ALPK2: variants seen among roughly 807,000 people sequenced by gnomAD.
ALPK2 encodes the protein alpha-protein kinase 2.
Under a neutral mutation model 163.1 loss-of-function variants are expected in ALPK2, and 127 were observed. That is an observed-to-expected ratio of 0.78 (90% CI 0.67 to 0.90). ALPK2 has a LOEUF of 0.90. Ranked by LOEUF, ALPK2 falls within the 40% of genes least tolerant of loss-of-function variation. The pLI, the probability that ALPK2 is intolerant of heterozygous loss-of-function variation, is 0.00. For missense variants in ALPK2, 2,360 were observed against 2,589.6 expected (o/e 0.91, Z 1.92); for synonymous variants, 953 against 959.1 (o/e 0.99, Z 0.12).
chr18:58,594,705 A>G (rs537905533), intron 3 of ALPK2, among the ~76,000 whole-genome samples: 45 of 152,230 alleles, frequency 3.0e-4, no homozygotes, highest in South Asian at 2.3e-3. Context: ...CTGCAATTCC[A>G]TTCTACCAAT....
intron 4 of ALPK2, among the ~76,000 whole-genome samples, chr18:58,542,539 G>A (rs1296185874): frequency 6.6e-6 from 1 of 152,214 alleles, no homozygotes; most frequent in African/African-American, 2.4e-5. Context: ...GGTTATATAA[G>A]AGAAGTTCAA....
chr18:58,510,262 G>A (rs1379997698), intron 10 of ALPK2, among the ~76,000 whole-genome samples: 7 of 152,338 alleles, frequency 4.6e-5, no homozygotes, highest in Non-Finnish European at 8.8e-5. Context: ...TTTGGTACCA[G>A]TACCATGCTG....
At chr18:58,562,165 C>A (rs2051828674) in intron 4 of ALPK2, among the ~76,000 whole-genome samples, 5 of 152,188 alleles carry the variant, frequency 3.3e-5, no homozygotes, top group Admixed American at 3.3e-4. Context: ...AGTTTTGTTA[C>A]ATGGACTACC....
intron 10 of ALPK2, among the ~76,000 whole-genome samples, chr18:58,504,961 G>A (rs891904081): frequency 6.6e-6 from 1 of 152,142 alleles, no homozygotes; most frequent in Non-Finnish European, 1.5e-5. Context: ...GGAGTGCAGG[G>A]AGCCAGGGAG....
chr18:58,499,552 A>T lies in ALPK2; in HGVS notation c.6248-1455T>A, dbSNP rs145249445. ...CATGCCCTGACCACGCACCAATTCC[A>T]TTCCTGTCTCCTTAGGGTGAGGGTT... On this transcript the variant is annotated intron_variant, in intron 11 of 12. Coordinates refer to ENST00000361673, the MANE Select transcript of ALPK2 (RefSeq NM_052947.4). Among the ~76,000 whole-genome samples the T allele has an allele frequency of 6.6e-3, 1,009 of 152,238 alleles. 5 individuals are homozygous for T. Among genetic ancestry groups the T allele is most frequent in the South Asian group, 0.012 (56 of 4,812 alleles).
chr18:58,540,693 A>G (rs1421909012), intron 4 of ALPK2, among the ~76,000 whole-genome samples: 5 of 152,182 alleles, frequency 3.3e-5, no homozygotes, highest in African/African-American at 9.7e-5. Context: ...CGGCCTTTCT[A>G]TCCTGCCTGC....
chr18:58,593,433 A>G (rs1173163531), intron 3 of ALPK2, among the ~76,000 whole-genome samples: 1 of 150,984 alleles, frequency 6.6e-6, no homozygotes, highest in Admixed American at 6.6e-5. Context: ...GCGTTGTGGC[A>G]TGCGCCTGTA....
chr18:58,590,399 G>A (rs1370744200), intron 3 of ALPK2, among the ~76,000 whole-genome samples: 1 of 152,100 alleles, frequency 6.6e-6, no homozygotes, highest in African/African-American at 2.4e-5. Context: ...AATGCAGGGG[G>A]AGGGAGGCCT....
At chr18:58,490,823 G>T (rs898506611) in intron 12 of ALPK2, among the ~76,000 whole-genome samples, 1 of 152,154 alleles carries the variant, frequency 6.6e-6, no homozygotes, top group African/African-American at 2.4e-5. Flanking sequence ...TGAGACAGGA[G>T]TCCCGAAGAA....
chr18:58,485,845 C>T (rs2051336213), intron 12 of ALPK2, among the ~76,000 whole-genome samples: 2 of 152,166 alleles, frequency 1.3e-5, no homozygotes, highest in Non-Finnish European at 2.9e-5. Flanking sequence ...GGGAGTGTCA[C>T]GAGTGGGCAG....
Position 58,559,621 on chromosome 18 carries a change from T to C in ALPK2, c.1962+19193A>G, listed in dbSNP as rs867972562. 2.6e-5 allele frequency among the ~76,000 whole-genome samples: 4 copies of C among 152,318 alleles called. No individual in the cohort carries two copies. In the South Asian group the frequency reaches 8.3e-4, roughly 32 times the overall value. ...CGGGGATTCTATAGTTGATTGGCTATGGAGTCTCTGACTCAGGCCTGACCT... is the reference window on the plus strand; with the variant it reads ...CGGGGATTCTATAGTTGATTGGCTACGGAGTCTCTGACTCAGGCCTGACCT... On this transcript the variant is annotated intron_variant, in intron 4 of 12. Coordinates refer to ENST00000361673, the MANE Select transcript of ALPK2 (RefSeq NM_052947.4).
rs753530753 is a variant in ALPK2, at chr18:58,535,041, C to T, written c.5146G>A (p.Glu1716Lys). The change falls in exon 5 of 13, where the codon GAA becomes AAA. Residue 1716 changes from glutamate (E) to lysine (K), a missense_variant. Physicochemically the swap from Glu to Lys is moderately conservative, Grantham distance 56. Coordinates refer to ENST00000361673, the MANE Select transcript of ALPK2 (RefSeq NM_052947.4). ...GCTAAATGTCCACTGCCTGGGGCTT[C>T]TGGCTTCCTCTTGACCTCCTCTGAC... is the stretch of plus-strand genomic sequence containing the variant. Reference protein sequence around the residue: ...TGSEEVKRKPEAPGSGHLAEG... With the variant: ...TGSEEVKRKPKAPGSGHLAEG... 6.2e-7 allele frequency: 1 copy of T among 1,614,168 alleles called. No homozygotes were observed. Among genetic ancestry groups the T allele is most frequent in the South Asian group, 1.1e-5 (1 of 91,076 alleles).
intron 3 of ALPK2, among the ~76,000 whole-genome samples, chr18:58,584,261 T>C (rs565110468): frequency 6.6e-6 from 1 of 152,336 alleles, no homozygotes; most frequent in South Asian, 2.1e-4. Flanking sequence ...GAAAGAGTTA[T>C]GATTTGTGGC....
intron 11 of ALPK2, among the ~76,000 whole-genome samples, chr18:58,502,134 C>CCACACACACACACACA (rs71173056): frequency 5.9e-5 from 7 of 118,776 alleles, no homozygotes; most frequent in African/African-American, 2.4e-4. Flanking sequence ...AACCCCATCT[C>CCACACACACACACACA]CACACACACA....
At chr18:58,628,663 C>T (rs921208750) in intron 1 of ALPK2, 101 bp downstream of exon 1, 3 of 152,188 alleles carry the variant, frequency 2.0e-5, no homozygotes, top group Non-Finnish European at 4.4e-5. Flanking sequence ...TCTATTTCAT[C>T]AGGAAACCAT....
chr18:58,612,450 G>C (rs55643949), intron 1 of ALPK2, among the ~76,000 whole-genome samples: 2,545 of 152,310 alleles, frequency 0.017, 58 homozygotes, highest in African/African-American at 0.057. Context: ...CACTTGATTA[G>C]TCACCAGATA....
intron 3 of ALPK2, among the ~76,000 whole-genome samples, chr18:58,587,545 G>T (rs952512456): frequency 2.0e-5 from 3 of 152,116 alleles, no homozygotes; most frequent in Non-Finnish European, 4.4e-5. Context: ...TAAAGACATA[G>T]AAATTATACA....
At chr18:58,577,233 A>C (rs2051926816) in intron 4 of ALPK2, among the ~76,000 whole-genome samples, 1 of 152,254 alleles carries the variant, frequency 6.6e-6, no homozygotes, top group African/African-American at 2.4e-5. Flanking sequence ...TCTTCCCTCC[A>C]GCTCTTTGAA....
chr18:58,504,278 CA>C, intron 10 of ALPK2, 130 bp from the exon 11 acceptor site: 1 of 690,362 alleles, frequency 1.4e-6, no homozygotes, highest in Admixed American at 2.9e-5. Context: ...GTTTAGACTA[CA>C]AATCCATCCA....
Sources: gnomAD v4.1 joint callset for allele counts (sites outside exome capture counted in the v4.1 genomes callset) on GRCh38, gnomAD v4.1.1 for gene constraint, MANE v1.5 for transcripts, NCBI Gene and HGNC (gene_info 2026-07-23, HGNC 2026-07-21) for gene names.